Variants in C1GALT1 observed in about 807,000 individuals in gnomAD.
The protein encoded by C1GALT1 is glycoprotein-N-acetylgalactosamine 3-beta-galactosyltransferase 1.
In C1GALT1, 11 loss-of-function variants were observed where a neutral mutation model predicts 31.0. The ratio of observed to expected loss-of-function variants is 0.36; its 90% CI spans 0.22 to 0.59. The LOEUF is 0.59. Ranked by LOEUF, C1GALT1 falls within the 20% of genes least tolerant of loss-of-function variation. The pLI is 0.79. For synonymous variants in C1GALT1, 175 were observed against 143.6 expected, an observed-to-expected ratio of 1.22 and a Z score of -1.56; for missense variants, 424 against 425.2, an observed-to-expected ratio of 1.00 and a Z score of 0.03.
At chr7:7,183,691 T>A (rs1780692600) in intron 1 of C1GALT1, 2 of 747,466 alleles carry the variant, frequency 2.7e-6, no homozygotes, top group African/African-American at 1.9e-5. Context: ...CACCCCGCAT[T>A]TAAAGCAAAC....
At chr7:7,182,111 T>C (rs1164831076), upstream of C1GALT1, among the ~76,000 whole-genome samples, 1 of 152,120 alleles carries the variant, frequency 6.6e-6, no homozygotes, top group Non-Finnish European at 1.5e-5. Flanking sequence ...TACTTCCTTT[T>C]ATTAAGCCCA....
chr7:7,227,470 C>T (rs1416390966), intron 1 of C1GALT1, among the ~76,000 whole-genome samples: 1 of 152,082 alleles, frequency 6.6e-6, no homozygotes, highest in Non-Finnish European at 1.5e-5. Flanking sequence ...CCTGTAATCC[C>T]AGCACTTTGG....
At position 7,238,804 on chromosome 7, in the gene C1GALT1, C is replaced by G. The variant is rs1254975551; in HGVS notation, c.770C>G (p.Ser257Cys). ...ATTATGAATGTAGAAGCAGGAGATT[C>G]CAGAGATACCATTGGAAAAGAAACT... Reference protein sequence around the residue: ...MEIMNVEAGDSRDTIGKETFH... With the variant: ...MEIMNVEAGDCRDTIGKETFH... Residue 257 changes from serine to cysteine, a missense_variant, in exon 3 of 4, where the codon TCC (serine) becomes TGC (cysteine). Ser to Cys is a moderately radical substitution (Grantham distance 112, BLOSUM62 -1). Around this residue, in one of 3 missense-constraint regions of C1GALT1, gnomAD observed 191 missense variants for 188.8 expected, o/e 1.01. Transcript: ENST00000436587. This position sits in a 1 kb window ranked among gnomAD's most constrained non-coding sequence, Gnocchi z 5.2. 1 of 1,613,720 alleles carries G rather than the reference C, an allele frequency of 6.2e-7. No homozygotes were observed. The highest frequency in any genetic ancestry group is 8.5e-7 in the Non-Finnish European group (1 of 1,179,912).
chr7:7,186,484 G>T (rs1303798136), intron 1 of C1GALT1, among the ~76,000 whole-genome samples: 1 of 152,200 alleles, frequency 6.6e-6, no homozygotes, highest in Non-Finnish European at 1.5e-5. Flanking sequence ...AAATTTTCAG[G>T]CTCCATCCCA....
chr7:7,207,110 C>T (rs1468788672), intron 1 of C1GALT1, among the ~76,000 whole-genome samples: 1 of 152,044 alleles, frequency 6.6e-6, no homozygotes, highest in Non-Finnish European at 1.5e-5. Flanking sequence ...TCACAAGTCC[C>T]TTAGGACCTT....
At chr7:7,204,220 G>T (rs936979912) in intron 1 of C1GALT1, among the ~76,000 whole-genome samples, 1 of 146,250 alleles carries the variant, frequency 6.8e-6, no homozygotes, top group African/African-American at 2.5e-5. Context: ...GCTTTTCTTT[G>T]TTGGGAGGTT....
chr7:7,230,046 C>G (rs1370424560), intron 1 of C1GALT1, among the ~76,000 whole-genome samples: 1 of 152,212 alleles, frequency 6.6e-6, no homozygotes, highest in Non-Finnish European at 1.5e-5. Flanking sequence ...TTCACCTCTC[C>G]TCTTCCTCTT....
At chr7:7,231,801 AGTC>A (rs957418962) in intron 1 of C1GALT1, among the ~76,000 whole-genome samples, 3 of 151,932 alleles carry the variant, frequency 2.0e-5, no homozygotes, top group African/African-American at 7.3e-5. Context: ...AAAAAAAAAA[AGTC>A]GTCATGATAA....
chr7:7,196,994 C>T (rs907583858), intron 1 of C1GALT1, among the ~76,000 whole-genome samples: 1 of 152,076 alleles, frequency 6.6e-6, no homozygotes, highest in Non-Finnish European at 1.5e-5. Flanking sequence ...GTGTAGGTTG[C>T]CCGTTCACTC....
At chr7:7,228,687 A>G (rs1442656066) in intron 1 of C1GALT1, among the ~76,000 whole-genome samples, 1 of 152,248 alleles carries the variant, frequency 6.6e-6, no homozygotes, top group East Asian at 1.9e-4. Flanking sequence ...GGTAAACACA[A>G]CACAAGAGGA....
At chr7:7,172,037 C>A (rs1226442413) in intron 2 of C1GALT1, among the ~76,000 whole-genome samples, 4 of 152,066 alleles carry the variant, frequency 2.6e-5, no homozygotes, top group African/African-American at 7.2e-5. Context: ...ATTTGCCCTA[C>A]CTTTACTGTA....
chr7:7,169,230 T>A (rs1045829516), intron 2 of C1GALT1, among the ~76,000 whole-genome samples: 2 of 152,248 alleles, frequency 1.3e-5, no homozygotes, highest in African/African-American at 4.8e-5. Flanking sequence ...TGTATGTGTA[T>A]AAAATATTTT....
intron 1 of C1GALT1, among the ~76,000 whole-genome samples, chr7:7,188,803 A>G: frequency 6.6e-6 from 1 of 152,218 alleles, no homozygotes. Flanking sequence ...AATGAATGAC[A>G]TTGTGTTATG....
intron 3 of C1GALT1, among the ~76,000 whole-genome samples, chr7:7,242,701 C>T (rs970480556): frequency 3.9e-5 from 6 of 151,930 alleles, no homozygotes; most frequent in South Asian, 2.1e-4. Context: ...CTTTCTTGTT[C>T]GTTGTATTGT....
chr7:7,181,902 C>T (rs990348008), upstream of C1GALT1, among the ~76,000 whole-genome samples: 3 of 152,176 alleles, frequency 2.0e-5, no homozygotes, highest in Non-Finnish European at 4.4e-5. Context: ...CTTCCTTATT[C>T]AGAGCCCAGC....
At chr7:7,175,213 A>G (rs1160119824) in intron 2 of C1GALT1, among the ~76,000 whole-genome samples, 1 of 152,206 alleles carries the variant, frequency 6.6e-6, no homozygotes, top group Non-Finnish European at 1.5e-5. Context: ...TTCCTTGTCA[A>G]TATGGTCATG....
chr7:7,218,340 C>T (rs180749202), intron 1 of C1GALT1, among the ~76,000 whole-genome samples: 112 of 152,244 alleles, frequency 7.4e-4, no homozygotes, highest in African/African-American at 2.6e-3. Flanking sequence ...CCAAGTTAAG[C>T]AGTTGGATTT....
intron 1 of C1GALT1, among the ~76,000 whole-genome samples, chr7:7,212,524 A>G (rs904157588): frequency 6.6e-6 from 1 of 152,216 alleles, no homozygotes; most frequent in African/African-American, 2.4e-5. Context: ...GGAAAAATGA[A>G]CATTGTTACT....
At chr7:7,173,069 A>C (rs528712125) in intron 2 of C1GALT1, among the ~76,000 whole-genome samples, 4 of 152,046 alleles carry the variant, frequency 2.6e-5, no homozygotes, top group Non-Finnish European at 5.9e-5. Context: ...TAGTTTGGAT[A>C]TTTCTCTTTG....
Sources: gnomAD v4.1 joint callset for allele counts (sites outside exome capture counted in the v4.1 genomes callset) on GRCh38, gnomAD v4.1.1 for gene constraint, gnomAD v4.1.1 regional missense constraint, Gnocchi (gnomAD v3.1) non-coding constraint, MANE v1.5 for transcripts, NCBI Gene and HGNC (gene_info 2026-07-23, HGNC 2026-07-21) for gene names.